Variants in IGF2R observed in about 807,000 individuals in gnomAD.
IGF2R encodes the protein insulin like growth factor 2 receptor.
In IGF2R, 91 loss-of-function variants were observed where a neutral mutation model predicts 270.6. The observed-to-expected ratio is 0.34, with a 90% CI of 0.28 to 0.40. IGF2R has a LOEUF of 0.40. Ranked by LOEUF, IGF2R falls within the 10% of genes least tolerant of loss-of-function variation. IGF2R has a pLI of 1.00. For missense variants in IGF2R, 2,805 were observed against 3,188.3 expected, an observed-to-expected ratio of 0.88 and a Z score of 2.90; for synonymous variants, 1,316 against 1,258.9, an observed-to-expected ratio of 1.05 and a Z score of -0.96.
At chr6:159,980,228 A>AAGGAAGGAAGGAAGGAAGGAAGG (rs1554234683) in intron 1 of IGF2R, among the ~76,000 whole-genome samples, 1 of 135,128 alleles carries the variant, frequency 7.4e-6, no homozygotes, top group East Asian at 2.2e-4. Context: ...AGAAAGAAAG[A>AAGGAAGGAAGGAAGGAAGGAAGG]AAGAAAGAAA....
At chr6:160,042,106 G>A (rs1408234521) in intron 11 of IGF2R, among the ~76,000 whole-genome samples, 1 of 152,078 alleles carries the variant, frequency 6.6e-6, no homozygotes, top group East Asian at 1.9e-4. Context: ...TGGTTTCTTG[G>A]AATCTGCAGT....
At position 160,073,832 on chromosome 6, in the gene IGF2R, G is replaced by C; in HGVS notation, c.5023G>C (p.Ala1675Pro). The C allele has an allele frequency of 6.2e-7, 1 of 1,614,064 alleles. No homozygotes were observed. Among genetic ancestry groups the C allele is most frequent in the South Asian group, 1.1e-5 (1 of 91,080 alleles). The change falls in exon 35 of 48, where the codon GCT becomes CCT. Residue 1675 changes from alanine (A) to proline (P), a missense_variant. Ala to Pro is a conservative substitution (Grantham distance 27). Coordinates refer to ENST00000356956, the MANE Select transcript of IGF2R (RefSeq NM_000876.4). ...TATTCATCGCACTGGTGGTTATGAG[G>C]CTTATGATGAGAGTGAGGATGATGC... ...PLIHRTGGYE[A>P]YDESEDDASD...
At chr6:160,056,398 C>A in intron 19 of IGF2R, 26 bp from the exon 20 acceptor site, 1 of 1,500,672 alleles carries the variant, frequency 6.7e-7, no homozygotes, top group Non-Finnish European at 9.3e-7. Flanking sequence ...ACTGTATTGA[C>A]TTTTACCCTG....
At chr6:160,086,875 C>G (rs1054450570) in intron 41 of IGF2R, among the ~76,000 whole-genome samples, 2 of 152,042 alleles carry the variant, frequency 1.3e-5, no homozygotes, top group Non-Finnish European at 2.9e-5. Flanking sequence ...CTGGAAGGAT[C>G]TGTGTGTGTG....
intron 36 of IGF2R, 31 bp downstream of exon 36, chr6:160,076,027 T>C: frequency 6.2e-7 from 1 of 1,608,490 alleles, no homozygotes; most frequent in Non-Finnish European, 8.5e-7. Flanking sequence ...ATCTAGATGC[T>C]CAACTGCGGG....
At chr6:160,096,367 G>T in intron 44 of IGF2R, 72 bp from the exon 45 acceptor site, 1 of 1,394,284 alleles carries the variant, frequency 7.2e-7, no homozygotes. Flanking sequence ...TTTTTAGACC[G>T]TAAGGAGCTA....
Position 160,079,586 on chromosome 6 carries a change from C to G in IGF2R, c.5485C>G (p.Arg1829Gly), listed in dbSNP as rs753467612. 9.1e-6 allele frequency: 13 copies of G among 1,433,022 alleles called. No homozygotes were observed. Among genetic ancestry groups the G allele is most frequent in the Non-Finnish European group, 7.4e-6 (8 of 1,087,304 alleles). 88.8% of individuals were successfully genotyped at this position (1,433,022 alleles called of 1,614,324 possible). A position where few individuals can be genotyped will look rare whatever the true frequency, so the allele number is the denominator to read the frequency against. The change falls in exon 38 of 48, where the codon CGC becomes GGC. Residue 1829 changes from arginine to glycine, a missense_variant. By Grantham distance (125) the Arg-to-Gly change is moderately radical. Coordinates refer to ENST00000356956, the MANE Select transcript of IGF2R (RefSeq NM_000876.4). ...ACGCATGGTTTTTGTCCAGGTGACT[C>G]GCGACTCGCGCACCTACAGCGTTGG... Reference protein sequence around the residue: ...SLSTSTFKVTRDSRTYSVGVC... With the variant: ...SLSTSTFKVTGDSRTYSVGVC...
Position 160,084,329 on chromosome 6 carries a change from C to G in IGF2R, c.6068+145C>G. The G allele has an allele frequency of 4.8e-6, 3 of 623,410 alleles. No individual in the cohort carries two copies. In the South Asian group the frequency reaches 5.8e-5, roughly 12 times the overall value. The allele number at this position is 623,410 out of a possible 1,614,324, so 38.6% of individuals were successfully genotyped here. The stretch of plus-strand genomic sequence containing the variant: ...GATGGTGGTTGAGTTGTGACTGTTC[C>G]TGGAAGCAGCCCGCAGTGTCAATCC... On this transcript the variant is annotated intron_variant, in intron 40 of 47. Coordinates refer to ENST00000356956, the MANE Select transcript of IGF2R (RefSeq NM_000876.4). The surrounding 1 kb of genome is among the most constrained non-coding windows in gnomAD (Gnocchi z 4.6).
At chr6:160,009,694 G>T (rs1418117146) in intron 3 of IGF2R, among the ~76,000 whole-genome samples, 1 of 152,098 alleles carries the variant, frequency 6.6e-6, no homozygotes, top group Non-Finnish European at 1.5e-5. Context: ...TTAATCTTTA[G>T]TTTTTGGAAA....
intron 34 of IGF2R, 119 bp downstream of exon 34, chr6:160,073,588 A>G: frequency 8.0e-7 from 1 of 1,243,668 alleles, no homozygotes; most frequent in Non-Finnish European, 1.1e-6. Context: ...ACTCCTGATC[A>G]CCCCAATAAT....
At position 160,100,544 on chromosome 6, in the gene IGF2R, T is replaced by C. The variant is rs113540536; in HGVS notation, c.6843-1975T>C. On this transcript the variant is annotated intron_variant, in intron 45 of 47. Transcript: ENST00000356956. ...CAAGCCTAGTGATTGCTGGGTTGAG[T>C]AGACAAAGAGTAAAGCTTTTTTTGG... is the stretch of plus-strand genomic sequence containing the variant. Among the ~76,000 whole-genome samples the C allele has an allele frequency of 6.7e-3, 1,022 of 151,996 alleles. 14 individuals are homozygous for C. Among genetic ancestry groups the C allele is most frequent in the African/African-American group, 0.023 (953 of 41,472 alleles).
At chr6:160,002,822 T>C (rs572324475) in intron 2 of IGF2R, among the ~76,000 whole-genome samples, 52 of 152,350 alleles carry the variant, frequency 3.4e-4, no homozygotes, top group African/African-American at 1.1e-3. Context: ...AGTTATAAAC[T>C]TTGGATTGGA....
Position 160,045,657 on chromosome 6 carries a change from C to T in IGF2R, c.1766-88C>T, listed in dbSNP as rs1302637037. The T allele has an allele frequency of 7.8e-6, 12 of 1,528,812 alleles. No homozygotes were observed. In the East Asian group the frequency reaches 2.0e-4, roughly 26 times the overall value. The allele number at this position is 1,528,812 out of a possible 1,614,324, so 94.7% of individuals were successfully genotyped here. A position where few individuals can be genotyped will look rare whatever the true frequency, so the allele number is the denominator to read the frequency against. ...TATACCTCATTTCCCACTGTCCCTT[C>T]CAAGTCTACTTCTAGCAGAGAAGAA... On this transcript the variant is annotated intron_variant, in intron 13 of 47. Transcript: ENST00000356956.
At chr6:160,037,556 G>C (rs1777854897) in intron 10 of IGF2R, among the ~76,000 whole-genome samples, 1 of 152,178 alleles carries the variant, frequency 6.6e-6, no homozygotes, top group Non-Finnish European at 1.5e-5. Flanking sequence ...CTAGGTTCAT[G>C]TACTTTTCAG....
At chr6:160,012,780 T>TATATATATATATATATA (rs1784358825) in intron 4 of IGF2R, among the ~76,000 whole-genome samples, 3 of 141,502 alleles carry the variant, frequency 2.1e-5, no homozygotes, top group East Asian at 2.3e-4. Context: ...TTTTTTTTTG[T>TATATATATATATATATA]TTGTTTGTTT....
chr6:160,047,984 C>A, intron 17 of IGF2R, 77 bp downstream of exon 17: 1 of 958,934 alleles, frequency 1.0e-6, no homozygotes, highest in Non-Finnish European at 1.7e-6. Context: ...GAGCGTGTGA[C>A]TGAGCTGATG....
At chr6:160,036,349 C>T (rs1362267709) in intron 10 of IGF2R, among the ~76,000 whole-genome samples, 1 of 152,134 alleles carries the variant, frequency 6.6e-6, no homozygotes, top group Non-Finnish European at 1.5e-5. Flanking sequence ...GTCTCTCCTA[C>T]TTGGTGTCCC....
In IGF2R at chr6:160,050,420, G is replaced by A. The variant is rs1462847554; in HGVS notation, c.2515-53G>A. ...ATAGAATGTAACCACCACCAATAAC[G>A]AATCGACTGTATCTTCAGGGGGAAA... On this transcript the variant is annotated intron_variant, in intron 18 of 47. Transcript: ENST00000356956. The surrounding 1 kb of genome is among the most constrained non-coding windows in gnomAD (Gnocchi z 4.0). The A allele has an allele frequency of 3.9e-6, 6 of 1,533,354 alleles. No individual in the cohort carries two copies. Among genetic ancestry groups the A allele is most frequent in the African/African-American group, 2.7e-5 (2 of 73,044 alleles). 95.0% of individuals were successfully genotyped at this position (1,533,354 alleles called of 1,614,324 possible). A position where few individuals can be genotyped will look rare whatever the true frequency, so the allele number is the denominator to read the frequency against.
chr6:160,067,945 G>A (rs939532821), intron 29 of IGF2R, among the ~76,000 whole-genome samples: 3 of 152,100 alleles, frequency 2.0e-5, no homozygotes, highest in Admixed American at 6.5e-5. Context: ...GAGCACAGAC[G>A]GCACGCACTT....
Sources: gnomAD v4.1 joint callset for allele counts (sites outside exome capture counted in the v4.1 genomes callset) on GRCh38, gnomAD v4.1.1 for gene constraint, Gnocchi (gnomAD v3.1) non-coding constraint, MANE v1.5 for transcripts, NCBI Gene and HGNC (gene_info 2026-07-23, HGNC 2026-07-21) for gene names.